SPDYA: variants seen among roughly 807,000 people sequenced by gnomAD.
SPDYA encodes speedy/RINGO cell cycle regulator family member A.
SPDYA carries 11 observed loss-of-function variants against 36.7 expected under a neutral mutation model. That is an observed-to-expected ratio of 0.30 (90% CI 0.19 to 0.50). SPDYA has a LOEUF of 0.50. Among genes scored for constraint, SPDYA ranks in the 20% least tolerant of loss-of-function variants. The pLI, the probability that SPDYA is intolerant of heterozygous loss-of-function variation, is 0.98. For synonymous variants in SPDYA, 115 were observed against 118.7 expected (o/e 0.97, Z 0.20); for missense variants, 287 against 370.9 (o/e 0.77, Z 1.86).
intron 6 of SPDYA, 88 bp from the exon 7 acceptor site, chr2:28,840,084 C>A: frequency 1.6e-6 from 2 of 1,216,788 alleles, no homozygotes; most frequent in Non-Finnish European, 2.3e-6. Flanking sequence ...ACTTTAGAGA[C>A]AGTTGTTCTT....
chr2:28,822,476 C>G, intron 5 of SPDYA, 66 bp downstream of exon 5: 1 of 792,192 alleles, frequency 1.3e-6, no homozygotes, highest in Non-Finnish European at 1.9e-6. Flanking sequence ...TTATTTAAAA[C>G]AGAGGCTATT....
chr2:28,835,243 T>C (rs1161731119), intron 6 of SPDYA, among the ~76,000 whole-genome samples: 1 of 150,568 alleles, frequency 6.6e-6, no homozygotes, highest in African/African-American at 2.4e-5. Flanking sequence ...TTTTTTTTTT[T>C]AAGACAGAGT....
At chr2:28,849,689 T>A in intron 7 of SPDYA, 161 bp from the exon 8 acceptor site, 1 of 525,850 alleles carries the variant, frequency 1.9e-6, no homozygotes, top group African/African-American at 2.0e-5. Context: ...CATCTTTTGT[T>A]ACAATTTTTA....
chr2:28,849,804 TG>T, intron 7 of SPDYA, 45 bp from the exon 8 acceptor site: 1 of 1,131,118 alleles, frequency 8.8e-7, no homozygotes, highest in Non-Finnish European at 1.3e-6. Context: ...GTATTTAAAA[TG>T]GACAGATACA....
rs1668414277 is a variant in SPDYA at position 28,829,328 on chromosome 2, T to G, written c.552+9T>G. On this transcript the variant is annotated intron_variant, in intron 6 of 7. Coordinates refer to ENST00000334056, the MANE Select transcript of SPDYA (RefSeq NM_182756.4). ...GGCGATGTTGTGAGGAGGTAAGAATTTTAAAATGCTTTATATATGTAATCT... is the reference window on the plus strand; with the variant it reads ...GGCGATGTTGTGAGGAGGTAAGAATGTTAAAATGCTTTATATATGTAATCT... 1 of 1,597,170 alleles carries G rather than the reference T, an allele frequency of 6.3e-7. No individual in the cohort carries two copies. The highest frequency in any genetic ancestry group is 8.5e-7 in the Non-Finnish European group (1 of 1,175,770).
intron 6 of SPDYA, among the ~76,000 whole-genome samples, chr2:28,833,736 T>C (rs1227881660): frequency 1.3e-5 from 2 of 152,142 alleles, no homozygotes; most frequent in Non-Finnish European, 2.9e-5. Context: ...ATCAAAGACC[T>C]AAATGTAAAA....
chr2:28,846,767 AC>A (rs1668888062), intron 7 of SPDYA, among the ~76,000 whole-genome samples: 7 of 148,940 alleles, frequency 4.7e-5, no homozygotes, highest in Non-Finnish European at 8.9e-5. Context: ...ACACACACAC[AC>A]ACACAAAGGG....
rs765833895 is a variant in SPDYA at position 28,850,321 on chromosome 2, TACTC to T, written c.*383_*386del. On this transcript the variant is annotated 3_prime_UTR_variant, in exon 8 of 8. Transcript: ENST00000334056. Reference sequence around the variant, plus strand: ...ACCATTTAATATGTTCTGAAAACATTACTCACCTGTATGACCAGGTTGCCAGTGT... The same window carrying T: ...ACCATTTAATATGTTCTGAAAACATTACCTGTATGACCAGGTTGCCAGTGT... The T allele has an allele frequency of 1.0e-5, 16 of 1,606,980 alleles. No homozygotes were observed. Among genetic ancestry groups the T allele is most frequent in the African/African-American group, 1.3e-5 (1 of 74,686 alleles).
At chr2:28,823,618 C>T (rs113141062) in intron 5 of SPDYA, among the ~76,000 whole-genome samples, 18,339 of 134,122 alleles carry the variant, frequency 0.14, 1,835 homozygotes, top group African/African-American at 0.27. Context: ...AGCAAGACTC[C>T]GTCTCAGGAA....
At chr2:28,825,203 T>C (rs1053592900) in intron 5 of SPDYA, among the ~76,000 whole-genome samples, 3 of 152,094 alleles carry the variant, frequency 2.0e-5, no homozygotes, top group African/African-American at 7.2e-5. Flanking sequence ...TATCTCAGTA[T>C]TGTATTGTAT....
chr2:28,819,494 C>A (rs1016965005), intron 4 of SPDYA, among the ~76,000 whole-genome samples: 1 of 151,742 alleles, frequency 6.6e-6, no homozygotes, highest in Non-Finnish European at 1.5e-5. Context: ...GACAATAGAG[C>A]AAGACTCTGT....
At chr2:28,834,319 C>T (rs1668541727) in intron 6 of SPDYA, among the ~76,000 whole-genome samples, 1 of 152,154 alleles carries the variant, frequency 6.6e-6, no homozygotes, top group African/African-American at 2.4e-5. Flanking sequence ...GGCAATTCCT[C>T]ACAAGGTTAA....
At chr2:28,845,556 G>C (rs551198866) in intron 7 of SPDYA, among the ~76,000 whole-genome samples, 25 of 152,146 alleles carry the variant, frequency 1.6e-4, no homozygotes, top group South Asian at 8.3e-4. Context: ...TTCTTTCTTT[G>C]TTTGTTTGAG....
At chr2:28,817,704 C>T (rs559596439) in intron 3 of SPDYA, among the ~76,000 whole-genome samples, 8 of 145,218 alleles carry the variant, frequency 5.5e-5, no homozygotes, top group African/African-American at 1.5e-4. Context: ...GGTGAAACCC[C>T]ATCAGGCGTG....
At chr2:28,813,482 G>A (rs542551255) in intron 1 of SPDYA, among the ~76,000 whole-genome samples, 7 of 151,804 alleles carry the variant, frequency 4.6e-5, no homozygotes, top group African/African-American at 1.5e-4. Context: ...TCTTAGCCAC[G>A]GTACTATACC....
At chr2:28,840,097 G>A in intron 6 of SPDYA, 75 bp from the exon 7 acceptor site, 1 of 1,361,162 alleles carries the variant, frequency 7.3e-7, no homozygotes. Context: ...TTGTTCTTGA[G>A]TTATAAGTTT....
At chr2:28,840,075 C>A in intron 6 of SPDYA, 97 bp from the exon 7 acceptor site, 1 of 1,176,038 alleles carries the variant, frequency 8.5e-7, no homozygotes, top group East Asian at 2.6e-5. Context: ...TTTATCTTCA[C>A]TTTAGAGACA....
intron 7 of SPDYA, among the ~76,000 whole-genome samples, chr2:28,841,681 TA>T (rs1424559337): frequency 6.6e-6 from 1 of 152,166 alleles, no homozygotes; most frequent in African/African-American, 2.4e-5. Context: ...TTCTTGAAGG[TA>T]GGGGTTATGC....
rs765711938 is a variant in SPDYA at position 28,822,312 on chromosome 2, T to A, written c.295-13T>A. The A allele has an allele frequency of 2.1e-6, 3 of 1,395,454 alleles. No homozygotes were observed. The highest frequency in any genetic ancestry group is 2.9e-6 in the Non-Finnish European group (3 of 1,026,086). 86.4% of individuals were successfully genotyped at this position (1,395,454 alleles called of 1,614,324 possible). On this transcript the variant is annotated splice_polypyrimidine_tract_variant and intron_variant, in intron 4 of 7. Transcript: ENST00000334056. ...AAAACATTAATATTAATTTTTAACT[T>A]TTTTCCTTATAGTATCTTTTGGCTA...
Sources: gnomAD v4.1 joint callset for allele counts (sites outside exome capture counted in the v4.1 genomes callset) on GRCh38, gnomAD v4.1.1 for gene constraint, MANE v1.5 for transcripts, NCBI Gene and HGNC (gene_info 2026-07-23, HGNC 2026-07-21) for gene names.